Variants in SP4 observed in about 807,000 individuals in gnomAD.
The protein encoded by SP4 is Sp4 transcription factor, also known as transcription factor Sp4.
SP4 carries 19 observed loss-of-function variants against 72.8 expected under a neutral mutation model. The observed-to-expected ratio is 0.26, with a 90% confidence interval of 0.18 to 0.38. SP4 has a LOEUF of 0.38. Ranked by LOEUF, SP4 falls within the 10% of genes least tolerant of loss-of-function variation. SP4 has a pLI of 1.00. For synonymous variants in SP4, 395 were observed against 333.1 expected (o/e 1.19, Z -2.02); for missense variants, 1,008 against 926.3 (o/e 1.09, Z -1.14).
At chr7:21,496,896 T>C (rs1781722307) in intron 5 of SP4, among the ~76,000 whole-genome samples, 1 of 152,234 alleles carries the variant, frequency 6.6e-6, no homozygotes, top group African/African-American at 2.4e-5. Flanking sequence ...AGTTAGGGCC[T>C]TCTCATGCTA....
At chr7:21,437,878 G>C (rs1182172792) in intron 3 of SP4, among the ~76,000 whole-genome samples, 1 of 152,154 alleles carries the variant, frequency 6.6e-6, no homozygotes, top group African/African-American at 2.4e-5. Flanking sequence ...ACTCGCAAAT[G>C]TATCAAGAAG....
chr7:21,454,207 G>A (rs1327857701), intron 3 of SP4, among the ~76,000 whole-genome samples: 1 of 152,162 alleles, frequency 6.6e-6, no homozygotes, highest in Non-Finnish European at 1.5e-5. Context: ...AGGGGGCATG[G>A]CTAACTCTGT....
At chr7:21,478,457 A>G (rs1784580660) in intron 4 of SP4, among the ~76,000 whole-genome samples, 2 of 152,220 alleles carry the variant, frequency 1.3e-5, no homozygotes. Flanking sequence ...ACTGTTTTCC[A>G]AAGTGGCTGT....
At chr7:21,482,253 T>A in intron 5 of SP4, 130 bp downstream of exon 5, 1 of 676,416 alleles carries the variant, frequency 1.5e-6, no homozygotes, top group South Asian at 1.9e-5. Flanking sequence ...AGCAATTATA[T>A]GGAAGATGTT....
At chr7:21,488,845 A>G (rs28580454) in intron 5 of SP4, among the ~76,000 whole-genome samples, 5,435 of 152,228 alleles carry the variant, frequency 0.036, 357 homozygotes, top group East Asian at 0.27. Flanking sequence ...GATGTCATAT[A>G]GATATGCACA....
At position 21,429,923 on chromosome 7, in the gene SP4, T is replaced by C; in HGVS notation, c.758T>C (p.Val253Ala). The C allele has an allele frequency of 6.2e-7, 1 of 1,614,208 alleles. No individual in the cohort carries two copies. Among genetic ancestry groups the C allele is most frequent in the Non-Finnish European group, 8.5e-7 (1 of 1,180,022 alleles). The change falls in exon 3 of 6, where the codon GTT (valine) becomes GCT (alanine). Residue 253 changes from valine (V) to alanine (A), a missense_variant. Physicochemically the swap from Val to Ala is moderately conservative, Grantham distance 64 (BLOSUM62 0). This residue lies in a region of SP4 where 893 missense variants were observed against 743.3 expected (regional missense o/e 1.20). Transcript: ENST00000222584. Reference protein sequence around the residue: ...LQTLPGTQAQVVTTLPINIGG... With the variant: ...LQTLPGTQAQAVTTLPINIGG... ...ACTCTTCCTGGTACTCAGGCTCAAGTTGTAACAACCCTACCAATTAACATT... is the reference window on the plus strand; with the variant it reads ...ACTCTTCCTGGTACTCAGGCTCAAGCTGTAACAACCCTACCAATTAACATT...
intron 3 of SP4, among the ~76,000 whole-genome samples, chr7:21,452,684 G>A (rs1445113109): frequency 2.0e-5 from 3 of 152,028 alleles, no homozygotes; most frequent in African/African-American, 7.3e-5. Flanking sequence ...TAACTATATT[G>A]CCATTAGTTA....
At chr7:21,482,228 G>C (rs1784708082) in intron 5 of SP4, 105 bp downstream of exon 5, 1 of 833,982 alleles carries the variant, frequency 1.2e-6, no homozygotes, top group Admixed American at 2.4e-5. Flanking sequence ...AAATGAAGGA[G>C]AAGGCATTTA....
At chr7:21,451,430 A>G (rs540778024) in intron 3 of SP4, among the ~76,000 whole-genome samples, 4 of 152,184 alleles carry the variant, frequency 2.6e-5, no homozygotes, top group South Asian at 4.1e-4. Flanking sequence ...CTGACTACCT[A>G]CTGTAACATT....
At chr7:21,485,513 T>A (rs1784790801) in intron 5 of SP4, among the ~76,000 whole-genome samples, 1 of 152,038 alleles carries the variant, frequency 6.6e-6, no homozygotes. Context: ...ATGACTGTCA[T>A]GTATCTAAAT....
rs1485673501 is a variant in SP4, at chr7:21,514,638, G to C, written c.*3369G>C. On this transcript the variant is annotated 3_prime_UTR_variant, in exon 6 of 6. Transcript: ENST00000222584. The stretch of plus-strand genomic sequence containing the variant: ...CAGCAAAGCCTCTGGGGCTGTAATT[G>C]ACATTTTTACAGTGCTGATTTGTAT... 6.6e-6 allele frequency: 1 copy of C among 151,740 alleles called. No individual in the cohort carries two copies. Among genetic ancestry groups the C allele is most frequent in the Non-Finnish European group, 1.5e-5 (1 of 67,956 alleles). The allele number at this position is 151,740 out of a possible 1,614,324, so 9.4% of individuals were successfully genotyped here.
Position 21,428,215 on chromosome 7 carries a change from A to G in SP4, c.-37A>G. Reference sequence around the variant, plus strand: ...CCCCACCCCCACCCACCTCTATCCCAGTGTCTCCGTCTGAGGGTTTGTCCT... The same window carrying G: ...CCCCACCCCCACCCACCTCTATCCCGGTGTCTCCGTCTGAGGGTTTGTCCT... On this transcript the variant is annotated 5_prime_UTR_variant, in exon 1 of 6. Transcript: ENST00000222584. The G allele has an allele frequency of 1.5e-6, 1 of 668,796 alleles. No homozygotes were observed. Among genetic ancestry groups the G allele is most frequent in the South Asian group, 1.9e-5 (1 of 53,170 alleles). 41.4% of individuals were successfully genotyped at this position (668,796 alleles called of 1,614,324 possible).
At chr7:21,450,412 A>G (rs1458577688) in intron 3 of SP4, among the ~76,000 whole-genome samples, 3 of 152,134 alleles carry the variant, frequency 2.0e-5, no homozygotes, top group Non-Finnish European at 4.4e-5. Flanking sequence ...AGGTAAATAT[A>G]CATGCTTTGG....
intron 3 of SP4, among the ~76,000 whole-genome samples, chr7:21,443,012 A>G (rs1172982175): frequency 2.6e-5 from 4 of 152,248 alleles, no homozygotes; most frequent in Non-Finnish European, 5.9e-5. Context: ...CTGGGATTAC[A>G]GGTTTAAGCC....
intron 5 of SP4, among the ~76,000 whole-genome samples, chr7:21,488,552 G>C (rs932822490): frequency 1.4e-5 from 2 of 148,026 alleles, no homozygotes; most frequent in Admixed American, 1.4e-4. Flanking sequence ...GTGTCTCAGT[G>C]GGGAGAATAA....
chr7:21,480,676 A>G (rs1276427080), intron 4 of SP4, among the ~76,000 whole-genome samples: 6 of 152,122 alleles, frequency 3.9e-5, no homozygotes. Flanking sequence ...GAATCTCAAT[A>G]TTTGACATTT....
intron 3 of SP4, among the ~76,000 whole-genome samples, chr7:21,467,260 A>T (rs755738513): frequency 5.3e-5 from 8 of 152,164 alleles, no homozygotes; most frequent in Non-Finnish European, 7.4e-5. Context: ...AATTACCTTC[A>T]TTTGGGAACC....
chr7:21,491,002 G>A (rs796230915), intron 5 of SP4, among the ~76,000 whole-genome samples: 24 of 152,186 alleles, frequency 1.6e-4, no homozygotes, highest in African/African-American at 3.6e-4. Context: ...CAAAATGTCC[G>A]GGATACAGTC....
chr7:21,466,541 C>G (rs1390032180), intron 3 of SP4, among the ~76,000 whole-genome samples: 1 of 152,160 alleles, frequency 6.6e-6, no homozygotes, highest in African/African-American at 2.4e-5. Context: ...ACTTTCGGCT[C>G]TACTAAACTG....
Sources: allele counts gnomAD v4.1 joint callset (sites outside exome capture counted in the v4.1 genomes callset), GRCh38; gene constraint gnomAD v4.1.1; regional missense constraint gnomAD v4.1.1; transcripts MANE v1.5; gene names NCBI Gene and HGNC (gene_info 2026-07-23, HGNC 2026-07-21).